The following PCDHA1 variants were observed in gnomAD, a reference collection of about 807,000 sequenced individuals.
PCDHA1 encodes the protein protocadherin alpha 1.
A neutral mutation model predicts 61.3 loss-of-function variants in PCDHA1; 42 were observed. That is an observed-to-expected ratio of 0.69 (90% CI 0.54 to 0.89). PCDHA1 has a LOEUF of 0.89. PCDHA1 is among the 40% of genes least tolerant of loss of function. PCDHA1 has a pLI of 0.00. For missense variants in PCDHA1, 1,256 were observed against 1,235.3 expected, an observed-to-expected ratio of 1.02 and a Z score of -0.25; for synonymous variants, 610 against 553.8, an observed-to-expected ratio of 1.10 and a Z score of -1.43.
At chr5:140,809,616 C>G (rs1193307431) in intron 1 of PCDHA1, 1 of 1,514,914 alleles carries the variant, frequency 6.6e-7, no homozygotes, top group Admixed American at 2.2e-5. Context: ...TATTGTTTTT[C>G]TCTATCAACT....
chr5:141,009,606 T>C (rs2098413036), intron 3 of PCDHA1, 21 bp from the exon 4 acceptor site: 1 of 1,609,858 alleles, frequency 6.2e-7, no homozygotes, highest in Non-Finnish European at 8.5e-7. Flanking sequence ...TGTTAATGAT[T>C]TGTAATGTTT....
At chr5:140,869,788 T>C (rs782425741) in intron 1 of PCDHA1, 4 of 1,612,892 alleles carry the variant, frequency 2.5e-6, no homozygotes, top group African/African-American at 1.3e-5. Context: ...CGTTCGGCTG[T>C]TAGTCCAAGT....
At position 140,946,631 on chromosome 5, in the gene PCDHA1, T is replaced by TATATATATATACAC. The variant is rs57893927; in HGVS notation, c.2395-32317_2395-32316insTATATATATACACA. Among the ~76,000 whole-genome samples, 93 of 131,838 alleles carry TATATATATATACAC rather than the reference T, an allele frequency of 7.1e-4. 3 individuals carry two copies. Among genetic ancestry groups the TATATATATATACAC allele is most frequent in the East Asian group, 2.3e-3 (11 of 4,866 alleles). 86.5% of individuals were successfully genotyped at this position (131,838 alleles called of 152,430 possible). A position where few individuals can be genotyped will look rare whatever the true frequency, so the allele number is the denominator to read the frequency against. ...TGTGAAATATATATATATATATATA[T>TATATATATATACAC]ACAATGGAATACTCATCAGCCATTA... On this transcript the variant is annotated intron_variant, in intron 1 of 3. Transcript: ENST00000504120.
chr5:140,869,864 A>C (rs1554163548), intron 1 of PCDHA1: 1 of 1,610,504 alleles, frequency 6.2e-7, no homozygotes, highest in African/African-American at 1.3e-5. Context: ...CTTATGGAAA[A>C]TGCTGCTAAA....
chr5:140,841,166 TG>T, intron 1 of PCDHA1: 1 of 946,216 alleles, frequency 1.1e-6, no homozygotes, highest in Non-Finnish European at 1.6e-6. Context: ...CAAGAAGTTC[TG>T]GTTGGTCAAT....
chr5:140,896,738 T>C (rs2065731964), intron 1 of PCDHA1, among the ~76,000 whole-genome samples: 2 of 152,180 alleles, frequency 1.3e-5, no homozygotes, highest in African/African-American at 4.8e-5. Context: ...AAGTTCCTTA[T>C]AGATTCTGGA....
At chr5:140,972,990 G>A (rs185555684) in intron 1 of PCDHA1, among the ~76,000 whole-genome samples, 2 of 152,188 alleles carry the variant, frequency 1.3e-5, no homozygotes, top group African/African-American at 4.8e-5. Context: ...GGTAGATTCT[G>A]TGCATTTGTG....
chr5:140,926,919 A>C (rs782148872), intron 1 of PCDHA1: 2 of 1,566,668 alleles, frequency 1.3e-6, no homozygotes, highest in South Asian at 2.4e-5. Flanking sequence ...TGGCAGTTTT[A>C]TGTTTGTGGG....
intron 1 of PCDHA1, among the ~76,000 whole-genome samples, chr5:140,846,179 C>G (rs1250648449): frequency 1.3e-5 from 2 of 149,200 alleles, no homozygotes; most frequent in African/African-American, 4.9e-5. Context: ...CCTGAGTAGG[C>G]GTTTGAGTTC....
chr5:140,945,709 G>T (rs1033770128), intron 1 of PCDHA1, among the ~76,000 whole-genome samples: 1 of 151,930 alleles, frequency 6.6e-6, no homozygotes. Flanking sequence ...TGCAACAAAA[G>T]TATCAAGAAT....
intron 1 of PCDHA1, chr5:140,868,015 G>A (rs1161077691): frequency 6.6e-6 from 1 of 152,028 alleles, no homozygotes; most frequent in African/African-American, 2.4e-5. Flanking sequence ...TTAGATTAAG[G>A]AAACCAATGT....
At chr5:141,007,395 C>CAAAAA (rs35800918) in intron 3 of PCDHA1, among the ~76,000 whole-genome samples, 20 of 94,830 alleles carry the variant, frequency 2.1e-4, no homozygotes, top group South Asian at 3.5e-4. Context: ...TACTAAAATA[C>CAAAAA]AAAAAAAAAA....
In PCDHA1 at chr5:141,011,512, G is replaced by A. The variant is rs561564688; in HGVS notation, c.*1575G>A. On this transcript the variant is annotated 3_prime_UTR_variant, in exon 4 of 4. Coordinates refer to ENST00000504120, the MANE Select transcript of PCDHA1 (RefSeq NM_018900.4). ...TGTACACCTGTGAAAAAGTGGAGTAGTGTTTTTTTAACCATTGTTAATCAG... is the reference window on the plus strand; with the variant it reads ...TGTACACCTGTGAAAAAGTGGAGTAATGTTTTTTTAACCATTGTTAATCAG... 9 of 153,844 alleles carry A rather than the reference G, an allele frequency of 5.9e-5. No homozygotes were observed. Among genetic ancestry groups the A allele is most frequent in the African/African-American group, 2.2e-4 (9 of 41,570 alleles). 9.5% of individuals were successfully genotyped at this position (153,844 alleles called of 1,614,324 possible).
intron 1 of PCDHA1, among the ~76,000 whole-genome samples, chr5:140,950,183 GA>G (rs879992336): frequency 5.9e-5 from 9 of 151,666 alleles, no homozygotes; most frequent in African/African-American, 1.7e-4. Context: ...AATTAAGAAG[GA>G]AAAAAATAGT....
At chr5:140,898,797 C>T (rs1210404780) in intron 1 of PCDHA1, among the ~76,000 whole-genome samples, 7 of 152,160 alleles carry the variant, frequency 4.6e-5, no homozygotes, top group East Asian at 1.9e-4. Context: ...GCCATTTTCA[C>T]GATACTGATT....
At chr5:140,940,616 G>A (rs1554213527) in intron 1 of PCDHA1, among the ~76,000 whole-genome samples, 3 of 152,002 alleles carry the variant, frequency 2.0e-5, no homozygotes, top group Non-Finnish European at 4.4e-5. Flanking sequence ...CCTGGCTCCT[G>A]CAAATATTCT....
At chr5:140,944,880 C>T (rs1275494519) in intron 1 of PCDHA1, among the ~76,000 whole-genome samples, 1 of 152,150 alleles carries the variant, frequency 6.6e-6, no homozygotes, top group Non-Finnish European at 1.5e-5. Flanking sequence ...ACCTACTCCA[C>T]TGTACAGTTC....
At chr5:140,808,857 A>G (rs1764281184) in intron 1 of PCDHA1, 2 of 1,613,038 alleles carry the variant, frequency 1.2e-6, no homozygotes, top group African/African-American at 2.7e-5. Context: ...TTCGTGCTGG[A>G]CGAAAACGAC....
chr5:140,841,805 G>C (rs1442483448), intron 1 of PCDHA1: 1 of 1,613,818 alleles, frequency 6.2e-7, no homozygotes, highest in African/African-American at 1.3e-5. Context: ...CGATGCAGAT[G>C]TTGGAGCTAA....
Sources: allele counts gnomAD v4.1 joint callset (sites outside exome capture counted in the v4.1 genomes callset), GRCh38; gene constraint gnomAD v4.1.1; transcripts MANE v1.5; gene names NCBI Gene and HGNC (gene_info 2026-07-23, HGNC 2026-07-21).